CLSTN2: variants seen among roughly 807,000 people sequenced by gnomAD.
CLSTN2 encodes the protein calsyntenin 2, also known as calsyntenin-2.
A neutral mutation model predicts 101.2 loss-of-function variants in CLSTN2; 48 were observed. The ratio of observed to expected loss-of-function variants is 0.47; its 90% CI spans 0.38 to 0.60. CLSTN2 has a LOEUF of 0.60. CLSTN2 is among the 20% of genes least tolerant of loss of function. The pLI, the probability that CLSTN2 is intolerant of heterozygous loss-of-function variation, is 0.00. For missense variants in CLSTN2, 1,160 were observed against 1,238.2 expected (o/e 0.94, Z 0.95); for synonymous variants, 481 against 463.6 (o/e 1.04, Z -0.48).
chr3:140,285,962 G>A (rs534397110), intron 2 of CLSTN2, among the ~76,000 whole-genome samples: 2 of 152,300 alleles, frequency 1.3e-5, no homozygotes, highest in South Asian at 4.2e-4. Context: ...GAAATGGAAA[G>A]TTCAGGCACA....
At chr3:140,317,279 G>A (rs1208072340) in intron 2 of CLSTN2, among the ~76,000 whole-genome samples, 1 of 152,182 alleles carries the variant, frequency 6.6e-6, no homozygotes, top group Non-Finnish European at 1.5e-5. Context: ...GAAAAGTTCA[G>A]GGACTCTTCT....
intron 2 of CLSTN2, among the ~76,000 whole-genome samples, chr3:140,326,216 A>G (rs567518437): frequency 1.3e-5 from 2 of 152,188 alleles, no homozygotes; most frequent in Non-Finnish European, 2.9e-5. Context: ...AGTTTCCCCA[A>G]ACCATACTTT....
intron 1 of CLSTN2, among the ~76,000 whole-genome samples, chr3:140,024,038 G>A (rs2007370981): frequency 6.6e-6 from 1 of 152,140 alleles, no homozygotes; most frequent in Non-Finnish European, 1.5e-5. Context: ...AAACTGCTTG[G>A]GTGTGAACCC....
intron 2 of CLSTN2, among the ~76,000 whole-genome samples, chr3:140,397,606 C>T (rs1431635435): frequency 1.3e-5 from 2 of 152,134 alleles, no homozygotes; most frequent in African/African-American, 2.4e-5. Flanking sequence ...ATAGATAGCA[C>T]CTTCTCACTG....
intron 1 of CLSTN2, among the ~76,000 whole-genome samples, chr3:140,113,171 T>C (rs773865579): frequency 3.3e-5 from 5 of 152,140 alleles, no homozygotes; most frequent in African/African-American, 4.8e-5. Flanking sequence ...CACTACAAAT[T>C]GCAGTTTCTT....
intron 8 of CLSTN2, among the ~76,000 whole-genome samples, chr3:140,473,445 A>AT: frequency 6.6e-6 from 1 of 152,170 alleles, no homozygotes; most frequent in Non-Finnish European, 1.5e-5. Context: ...TGGAGAGATG[A>AT]TTTTGGATTA....
chr3:140,195,137 G>T (rs1022839043), intron 2 of CLSTN2, among the ~76,000 whole-genome samples: 14 of 152,154 alleles, frequency 9.2e-5, no homozygotes, highest in African/African-American at 3.1e-4. Context: ...TGCTGACCTG[G>T]GTAGGAGTGA....
chr3:140,072,032 A>G (rs749436440), intron 1 of CLSTN2, among the ~76,000 whole-genome samples: 31 of 152,306 alleles, frequency 2.0e-4, no homozygotes, highest in Admixed American at 9.1e-4. Flanking sequence ...GTTTGAAAGA[A>G]TAATTGCAAT....
In CLSTN2 at chr3:140,359,295, C is replaced by T. The variant is rs369190040; in HGVS notation, c.233-44334C>T. Among the ~76,000 whole-genome samples, 23 of 152,216 alleles carry T rather than the reference C, an allele frequency of 1.5e-4. No homozygotes were observed. In the South Asian group the frequency reaches 4.8e-3, roughly 32 times the overall value. ...GAGTGAGTGAGTGAATGAACAAAAA[C>T]GTTGGAACTTCTCAAATGCAAGGCT... On this transcript the variant is annotated intron_variant, in intron 2 of 16. Coordinates refer to ENST00000458420, the MANE Select transcript of CLSTN2 (RefSeq NM_022131.3).
chr3:140,406,691 TC>T (rs929231207), intron 4 of CLSTN2, among the ~76,000 whole-genome samples: 1 of 152,230 alleles, frequency 6.6e-6, no homozygotes, highest in Non-Finnish European at 1.5e-5. Context: ...CCTCTGGGTT[TC>T]TTTTTCTGTG....
At chr3:140,288,951 C>G (rs918842427) in intron 2 of CLSTN2, among the ~76,000 whole-genome samples, 3 of 15,900 alleles carry the variant, frequency 1.9e-4, no homozygotes, top group Non-Finnish European at 5.1e-4. Context: ...CTCCCTGATC[C>G]CCCGTGCCCT....
At chr3:140,484,476 C>A (rs528003861) in intron 8 of CLSTN2, among the ~76,000 whole-genome samples, 1 of 151,934 alleles carries the variant, frequency 6.6e-6, no homozygotes, top group South Asian at 2.1e-4. Flanking sequence ...ATCTTTGTGG[C>A]ATTCTCTGTA....
intron 5 of CLSTN2, among the ~76,000 whole-genome samples, chr3:140,424,068 G>C (rs1453259681): frequency 6.6e-6 from 1 of 152,220 alleles, no homozygotes; most frequent in East Asian, 1.9e-4. Context: ...ATTTCCTTAG[G>C]ATTTTGAGTG....
chr3:140,281,555 G>C (rs2086847775), intron 2 of CLSTN2, among the ~76,000 whole-genome samples: 1 of 152,084 alleles, frequency 6.6e-6, no homozygotes, highest in African/African-American at 2.4e-5. Flanking sequence ...AGCCCTTCTA[G>C]TTACCTAATT....
intron 2 of CLSTN2, among the ~76,000 whole-genome samples, chr3:140,381,525 G>A (rs1436744088): frequency 1.3e-5 from 2 of 152,206 alleles, no homozygotes; most frequent in African/African-American, 4.8e-5. Context: ...TGTTGTCATT[G>A]TGAGGTCTAA....
At chr3:140,111,934 C>A (rs1040771506) in intron 1 of CLSTN2, among the ~76,000 whole-genome samples, 3 of 152,280 alleles carry the variant, frequency 2.0e-5, no homozygotes, top group East Asian at 3.9e-4. Context: ...GACTTACCCA[C>A]GACCACACAG....
intron 12 of CLSTN2, 33 bp downstream of exon 12, chr3:140,558,890 G>A (rs758232740): frequency 6.3e-7 from 1 of 1,578,572 alleles, no homozygotes; most frequent in South Asian, 1.1e-5. Context: ...GGGGAGGGTG[G>A]ACCTTAATTT....
chr3:140,565,060 T>C (rs1936002142), intron 16 of CLSTN2, among the ~76,000 whole-genome samples: 1 of 152,250 alleles, frequency 6.6e-6, no homozygotes, highest in Non-Finnish European at 1.5e-5. Flanking sequence ...CTCAGTGCTA[T>C]ACAGACTCCA....
At chr3:140,024,660 T>C (rs1016663110) in intron 1 of CLSTN2, among the ~76,000 whole-genome samples, 3 of 152,126 alleles carry the variant, frequency 2.0e-5, no homozygotes, top group Admixed American at 1.3e-4. Context: ...ACAGGACTGT[T>C]AGTGTTGAGT....
Sources: allele counts gnomAD v4.1 joint callset (sites outside exome capture counted in the v4.1 genomes callset), GRCh38; gene constraint gnomAD v4.1.1; transcripts MANE v1.5; gene names NCBI Gene and HGNC (gene_info 2026-07-23, HGNC 2026-07-21).